Variants in STAB1 observed in about 807,000 individuals in gnomAD.
STAB1 encodes the protein stabilin 1.
A neutral mutation model predicts 332.4 loss-of-function variants in STAB1; 250 were observed. The ratio of observed to expected loss-of-function variants is 0.75; its 90% CI spans 0.68 to 0.84. STAB1 has a LOEUF of 0.84. STAB1 is among the 40% of genes least tolerant of loss of function. The pLI, the probability that STAB1 is intolerant of heterozygous loss-of-function variation, is 0.00. For synonymous variants in STAB1, 1,475 were observed against 1,390.4 expected, an observed-to-expected ratio of 1.06 and a Z score of -1.35; for missense variants, 3,249 against 3,489.7, an observed-to-expected ratio of 0.93 and a Z score of 1.74.
rs1708593757 is a variant in STAB1 at position 52,503,365 on chromosome 3, C to T, written c.716C>T (p.Ser239Leu). ...GCAGCCCCCAACCCCTGCTGGCCAT[C>T]ACCCTGCTCACTGCTGGCCCAGTGC... The part of the protein sequence containing the change: ...ECRAPNPCWP[S>L]PCSLLAQCSV... Residue 239 changes from serine to leucine, a missense_variant, in exon 8 of 69, where the codon TCA becomes TTA. Physicochemically the swap from Ser to Leu is moderately radical, Grantham distance 145. Transcript: ENST00000321725. The T allele has an allele frequency of 6.2e-7, 1 of 1,612,328 alleles. No homozygotes were observed. Among genetic ancestry groups the T allele is most frequent in the Non-Finnish European group, 8.5e-7 (1 of 1,179,350 alleles).
chr3:52,519,806 C>CGT (rs2079012760), intron 50 of STAB1, 138 bp from the exon 51 acceptor site: 6 of 1,238,886 alleles, frequency 4.8e-6, no homozygotes, highest in Non-Finnish European at 3.3e-6. Context: ...TGTGTGCACA[C>CGT]ACATGCCTGC....
chr3:52,524,009 G>C lies in STAB1; in HGVS notation c.7534G>C (p.Ala2512Pro). 2 of 1,612,176 alleles carry C rather than the reference G, an allele frequency of 1.2e-6. No homozygotes were observed. The highest frequency in any genetic ancestry group is 1.1e-5 in the South Asian group (1 of 91,004). Residue 2512 changes from alanine to proline, a missense_variant, in exon 67 of 69, where the codon GCC becomes CCC. Ala to Pro is a conservative substitution (Grantham distance 27, BLOSUM62 -1). Transcript: ENST00000321725. ...CAAGCCCATGGGCTTTGGCTTCTCT[G>C]CCTTCCAGGTAGGGCTGGGTTGGGG... is the stretch of plus-strand genomic sequence containing the variant. Reference protein sequence around the residue: ...RGKPMGFGFSAFQAEDDADDD... With the variant: ...RGKPMGFGFSPFQAEDDADDD...
At chr3:52,506,638 C>A in intron 17 of STAB1, 54 bp from the exon 18 acceptor site, 1 of 1,541,840 alleles carries the variant, frequency 6.5e-7, no homozygotes, top group Non-Finnish European at 8.7e-7. Context: ...TGGGCAGCCC[C>A]ACCGGGCCAA....
In STAB1 at chr3:52,518,604, C is replaced by T. The variant is rs763180595; in HGVS notation, c.4878C>T (p.Asn1626=). ...TGCCGCACGCAGATCTAATGAGCAA[C>T]CTGTCGCAGGTATGCAGCCCCCAGA... ...IFVPHADLMS[N]LSQDELARIR... is the part of the protein sequence containing the mutation. Residue 1626 remains asparagine, a synonymous_variant, in exon 47 of 69, where the codon AAC becomes AAT. Coordinates refer to ENST00000321725, the MANE Select transcript of STAB1 (RefSeq NM_015136.3). 1 of 1,606,314 alleles carries T rather than the reference C, an allele frequency of 6.2e-7. No individual in the cohort carries two copies.
rs116331103 is a variant in STAB1 at position 52,519,831 on chromosome 3, G to A, written c.5236-113G>A. 2,381 of 1,351,880 alleles carry A rather than the reference G, an allele frequency of 1.8e-3. 3 individuals carry two copies. The highest frequency in any genetic ancestry group is 2.1e-3 in the Non-Finnish European group (2,159 of 1,012,098). 83.7% of individuals were successfully genotyped at this position (1,351,880 alleles called of 1,614,324 possible). On this transcript the variant is annotated intron_variant, in intron 50 of 68. Coordinates refer to ENST00000321725, the MANE Select transcript of STAB1 (RefSeq NM_015136.3). Reference sequence around the variant, plus strand: ...CACATGCCTGCCTGGGATGGTCACAGATGAGTGTGGGTGAGTGTGGAGCCC... The same window carrying A: ...CACATGCCTGCCTGGGATGGTCACAAATGAGTGTGGGTGAGTGTGGAGCCC...
chr3:52,519,433 AAGAC>A (rs745646854), intron 49 of STAB1, 29 bp downstream of exon 49: 1 of 1,611,986 alleles, frequency 6.2e-7, no homozygotes, highest in Admixed American at 1.7e-5. Flanking sequence ...TGGGAGCTGG[AAGAC>A]AGGCAGGTGG....
In STAB1 at chr3:52,505,155, T is replaced by C. The variant is rs1559679723; in HGVS notation, c.1518+12T>C. ...CTGGGGATCCCAAGGTGAGCCAGCA[T>C]CCTCCCCTCCCCTCCCCTGTGCTGC... On this transcript the variant is annotated intron_variant, in intron 13 of 68. Coordinates refer to ENST00000321725, the MANE Select transcript of STAB1 (RefSeq NM_015136.3). The C allele has an allele frequency of 3.1e-6, 5 of 1,612,130 alleles. No individual in the cohort carries two copies. The Admixed American group carries it at 8.4e-5, about 27-fold the overall frequency.
chr3:52,511,806 C>A, intron 26 of STAB1, 61 bp downstream of exon 26: 2 of 1,321,852 alleles, frequency 1.5e-6, no homozygotes, highest in Non-Finnish European at 2.1e-6. Flanking sequence ...TGGGCTGCAG[C>A]TCTCTCCCTC....
intron 57 of STAB1, 62 bp downstream of exon 57, chr3:52,521,762 A>C (rs775828311): frequency 6.2e-7 from 1 of 1,605,634 alleles, no homozygotes; most frequent in Non-Finnish European, 8.5e-7. Flanking sequence ...ACATCAGTAA[A>C]GGCACCAAGG....
In STAB1 at chr3:52,520,934, G is replaced by T; in HGVS notation, c.5837G>T (p.Cys1946Phe). Reference protein sequence around the residue: ...WGRPQGLGRGCHRNCVTTTWK... With the variant: ...WGRPQGLGRGFHRNCVTTTWK... ...AGGCCCCAAGGCCTGGGCAGGGGCT[G>T]CCACCGCAATTGTGTCACCACCACC... Residue 1946 changes from cysteine to phenylalanine, a missense_variant, in exon 55 of 69, where the codon TGC becomes TTC. Coordinates refer to ENST00000321725, the MANE Select transcript of STAB1 (RefSeq NM_015136.3). 1 of 1,592,818 alleles carries T rather than the reference G, an allele frequency of 6.3e-7. No homozygotes were observed.
chr3:52,520,190 C>T lies in STAB1; in HGVS notation c.5413-14C>T. 1 of 1,613,206 alleles carries T rather than the reference C, an allele frequency of 6.2e-7. No individual in the cohort carries two copies. Among genetic ancestry groups the T allele is most frequent in the Non-Finnish European group, 8.5e-7 (1 of 1,180,018 alleles). On this transcript the variant is annotated splice_polypyrimidine_tract_variant and intron_variant, in intron 51 of 68. Coordinates refer to ENST00000321725, the MANE Select transcript of STAB1 (RefSeq NM_015136.3). ...CCTGCCTTTCCACCTCCAACCATGA[C>T]TCCACTTGCTCAGGCCTTGGCATCT...
intron 22 of STAB1, 63 bp from the exon 23 acceptor site, chr3:52,509,807 C>T: frequency 6.3e-7 from 1 of 1,597,368 alleles, no homozygotes. Flanking sequence ...CAAACCCATC[C>T]TGGCTCCCAG....
intron 16 of STAB1, 45 bp downstream of exon 16, chr3:52,505,981 G>C: frequency 6.2e-7 from 1 of 1,608,038 alleles, no homozygotes. Context: ...TACCCGGTGG[G>C]CCTGCCTGCA....
At chr3:52,509,602 A>G in intron 22 of STAB1, 1 of 593,320 alleles carries the variant, frequency 1.7e-6, no homozygotes, top group Non-Finnish European at 3.0e-6. Flanking sequence ...GGCTTAAAGT[A>G]TGCGGGACTT....
intron 55 of STAB1, 132 bp from the exon 56 acceptor site, chr3:52,521,229 T>C: frequency 7.6e-7 from 1 of 1,320,454 alleles, no homozygotes; most frequent in Non-Finnish European, 1.0e-6. Flanking sequence ...CTCCAGGACA[T>C]GGGCCTGGAG....
chr3:52,505,743 A>G lies in STAB1; in HGVS notation c.1657A>G (p.Ser553Gly). 6.2e-7 allele frequency: 1 copy of G among 1,613,894 alleles called. No homozygotes were observed. The highest frequency in any genetic ancestry group is 8.5e-7 in the Non-Finnish European group (1 of 1,180,034). ...VFAPSNEAVD[S>G]LRDGRLIYLF... is the part of the protein sequence containing the mutation. The stretch of plus-strand genomic sequence containing the variant: ...TGCCCCAAGCAATGAGGCTGTGGAC[A>G]GCTTGCGTGACGGCCGCCTGATCTA... The change falls in exon 15 of 69, where the codon AGC (serine) becomes GGC (glycine). Residue 553 changes from serine to glycine, a missense_variant. Transcript: ENST00000321725.
rs374253037 is a variant in STAB1, at chr3:52,505,976, G to C, written c.1749+40G>C. Reference sequence around the variant, plus strand: ...TCTGGGGGGCGGCCAGCTTGTACCCGGTGGGCCTGCCTGCAGGTTCTGGAC... The same window carrying C: ...TCTGGGGGGCGGCCAGCTTGTACCCCGTGGGCCTGCCTGCAGGTTCTGGAC... On this transcript the variant is annotated intron_variant, in intron 16 of 68. Coordinates refer to ENST00000321725, the MANE Select transcript of STAB1 (RefSeq NM_015136.3). The C allele has an allele frequency of 1.1e-5, 18 of 1,611,304 alleles. No individual in the cohort carries two copies. In the East Asian group the frequency reaches 3.1e-4, roughly 28 times the overall value.
intron 1 of STAB1, among the ~76,000 whole-genome samples, chr3:52,496,917 T>G (rs1284168279): frequency 6.6e-6 from 1 of 152,250 alleles, no homozygotes. Flanking sequence ...GTTGGCCCTC[T>G]GTATCTGTGC....
In STAB1 at chr3:52,514,401, G is replaced by T; in HGVS notation, c.3583G>T (p.Glu1195Ter). 6.4e-7 allele frequency: 1 copy of T among 1,552,900 alleles called. No individual in the cohort carries two copies. The highest frequency in any genetic ancestry group is 8.7e-7 in the Non-Finnish European group (1 of 1,149,106). Reference protein sequence around the residue: ...DTVRHHVVLGEALSMETLRKG... With the variant: ...DTVRHHVVLG ...AGTGCGGCACCATGTGGTCCTGGGG[G>T]AGGCCCTCTCCATGGAAACCCTGCG... Residue 1195 changes from glutamate (E) to a stop codon, truncating the protein, a stop_gained, in exon 34 of 69, where the codon GAG becomes TAG. Coordinates refer to ENST00000321725, the MANE Select transcript of STAB1 (RefSeq NM_015136.3). LOFTEE classifies it high-confidence loss of function.
Sources: gnomAD v4.1 joint callset for allele counts (sites outside exome capture counted in the v4.1 genomes callset) on GRCh38, gnomAD v4.1.1 for gene constraint, MANE v1.5 for transcripts, NCBI Gene and HGNC (gene_info 2026-07-23, HGNC 2026-07-21) for gene names.